The following BCL7B variants were observed in gnomAD, a reference collection of about 807,000 sequenced individuals.
BCL7B encodes BAF chromatin remodeling complex subunit BCL7B.
Under a neutral mutation model 26.5 loss-of-function variants are expected in BCL7B, and 11 were observed. The ratio of observed to expected loss-of-function variants is 0.42; its 90% CI spans 0.26 to 0.69. The LOEUF is 0.69. Among genes scored for constraint, BCL7B ranks in the 30% least tolerant of loss-of-function variants. The pLI, the probability that BCL7B is intolerant of heterozygous loss-of-function variation, is 0.28. For missense variants in BCL7B, 215 were observed against 264.4 expected (o/e 0.81, Z 1.30); for synonymous variants, 111 against 107.9 (o/e 1.03, Z -0.18).
chr7:73,537,060 C>A lies in BCL7B; in HGVS notation c.*238G>T, dbSNP rs1791558768. On this transcript the variant is annotated 3_prime_UTR_variant, in exon 6 of 6. Transcript: ENST00000223368. ...ATCTTGGGGTGGCCGATGCTCCAGC[C>A]AACTTGGGGTGCAAAAAAGACATGA... 4.6e-6 allele frequency: 2 copies of A among 433,686 alleles called. No individual in the cohort carries two copies. Among genetic ancestry groups the A allele is most frequent in the East Asian group, 7.2e-5 (2 of 27,914 alleles). 26.9% of individuals were successfully genotyped at this position (433,686 alleles called of 1,614,324 possible).
chr7:73,557,644 G>GCGA lies in BCL7B; in HGVS notation c.-67_-66insTCG. ...AGACACCGGGGATCGCGCGCCTCAC[G>GCGA]CGCCGCCGCCCGCCCGCCGCCGCCG... On this transcript the variant is annotated 5_prime_UTR_variant, in exon 1 of 6. Transcript: ENST00000223368. 1 of 1,005,012 alleles carries GCGA rather than the reference G, an allele frequency of 1.0e-6. No homozygotes were observed. The highest frequency in any genetic ancestry group is 1.2e-6 in the Non-Finnish European group (1 of 806,310). The allele number at this position is 1,005,012 out of a possible 1,614,324, so 62.3% of individuals were successfully genotyped here.
chr7:73,540,128 G>A (rs1350440217), intron 3 of BCL7B, 76 bp from the exon 4 acceptor site: 2 of 1,499,382 alleles, frequency 1.3e-6, no homozygotes, highest in Non-Finnish European at 1.8e-6. Context: ...CAGAGCCAAG[G>A]GCCTGGCATC....
intron 2 of BCL7B, among the ~76,000 whole-genome samples, chr7:73,550,646 T>G (rs1554584012): frequency 2.7e-3 from 4 of 1,468 alleles, no homozygotes; most frequent in East Asian, 0.12. Context: ...TTTTTTTTGT[T>G]TTTTTTTTGT....
intron 2 of BCL7B, among the ~76,000 whole-genome samples, chr7:73,544,163 G>A (rs1279688042): frequency 6.6e-6 from 1 of 152,132 alleles, no homozygotes; most frequent in African/African-American, 2.4e-5. Context: ...GTTCACGCCT[G>A]TAATCCCAGC....
At chr7:73,552,092 CAAAA>C (rs781881434) in intron 2 of BCL7B, 71 bp downstream of exon 2, 461 of 1,020,746 alleles carry the variant, frequency 4.5e-4, no homozygotes, top group East Asian at 9.1e-4. Flanking sequence ...GACTCCGTCC[CAAAA>C]AAAAAAAAAA....
chr7:73,537,800 A>G lies in BCL7B; in HGVS notation c.516+134T>C, dbSNP rs1022755042. The G allele has an allele frequency of 1.2e-5, 7 of 592,838 alleles. No individual in the cohort carries two copies. In the African/African-American group the frequency reaches 1.3e-4, roughly 11 times the overall value. The allele number at this position is 592,838 out of a possible 1,614,324, so 36.7% of individuals were successfully genotyped here. A position where few individuals can be genotyped will look rare whatever the true frequency, so the allele number is the denominator to read the frequency against. On this transcript the variant is annotated intron_variant, in intron 5 of 5. Transcript: ENST00000223368. The stretch of plus-strand genomic sequence containing the variant: ...CTACTCAGGAGGCTGAAACAGGAGA[A>G]TTGCTTGAACCCAGGAGGCAGTGGA...
At chr7:73,544,266 C>T (rs1275119352) in intron 2 of BCL7B, among the ~76,000 whole-genome samples, 1 of 151,934 alleles carries the variant, frequency 6.6e-6, no homozygotes, top group Non-Finnish European at 1.5e-5. Context: ...ACTAAAAATA[C>T]AAAAATCAGC....
chr7:73,557,640 T>A lies in BCL7B; in HGVS notation c.-62A>T. 9.8e-7 allele frequency: 1 copy of A among 1,015,482 alleles called. No individual in the cohort carries two copies. The highest frequency in any genetic ancestry group is 1.2e-6 in the Non-Finnish European group (1 of 814,820). 62.9% of individuals were successfully genotyped at this position (1,015,482 alleles called of 1,614,324 possible). ...CCCAAGACACCGGGGATCGCGCGCCTCACGCGCCGCCGCCCGCCCGCCGCC... is the reference window on the plus strand; with the variant it reads ...CCCAAGACACCGGGGATCGCGCGCCACACGCGCCGCCGCCCGCCCGCCGCC... On this transcript the variant is annotated 5_prime_UTR_variant, in exon 1 of 6. Coordinates refer to ENST00000223368, the MANE Select transcript of BCL7B (RefSeq NM_001707.4).
In BCL7B at chr7:73,557,544, C is replaced by A; in HGVS notation, c.35G>T (p.Ser12Ile). 1 of 1,434,044 alleles carries A rather than the reference C, an allele frequency of 7.0e-7. No homozygotes were observed. The highest frequency in any genetic ancestry group is 1.4e-5 in the South Asian group (1 of 69,802). 88.8% of individuals were successfully genotyped at this position (1,434,044 alleles called of 1,614,324 possible). Reference sequence around the variant, plus strand: ...CTTCTTGATGTCGTCCTTGGCCCGGCTGCGGGTCTCCGCCCGGACCGACCG... The same window carrying A: ...CTTCTTGATGTCGTCCTTGGCCCGGATGCGGGTCTCCGCCCGGACCGACCG... Reference protein sequence around the residue: ...SGRSVRAETRSRAKDDIKKVM... With the variant: ...SGRSVRAETRIRAKDDIKKVM... Residue 12 changes from serine to isoleucine, a missense_variant, in exon 1 of 6, where the codon AGC becomes ATC. Transcript: ENST00000223368.
intron 1 of BCL7B, among the ~76,000 whole-genome samples, chr7:73,554,580 T>C (rs1473111411): frequency 6.6e-6 from 1 of 151,970 alleles, no homozygotes; most frequent in Non-Finnish European, 1.5e-5. Flanking sequence ...GGTGGATCAC[T>C]TGAGCCCAGG....
In BCL7B at chr7:73,537,914, A is replaced by G. The variant is rs1791602734; in HGVS notation, c.516+20T>C. The G allele has an allele frequency of 6.4e-7, 1 of 1,555,602 alleles. No individual in the cohort carries two copies. The highest frequency in any genetic ancestry group is 1.4e-5 in the African/African-American group (1 of 71,724). Reference sequence around the variant, plus strand: ...AAACCAAAAAAACAAAAAACTGGAAAACTCAAAGTGATTGCTTACCTGTGT... The same window carrying G: ...AAACCAAAAAAACAAAAAACTGGAAGACTCAAAGTGATTGCTTACCTGTGT... On this transcript the variant is annotated intron_variant, in intron 5 of 5. Coordinates refer to ENST00000223368, the MANE Select transcript of BCL7B (RefSeq NM_001707.4).
chr7:73,557,297 G>A, intron 1 of BCL7B, 190 bp downstream of exon 1: 1 of 1,156,366 alleles, frequency 8.6e-7, no homozygotes, highest in Non-Finnish European at 1.1e-6. Context: ...GAGCCGGGAG[G>A]ACCGCTGATT....
chr7:73,557,160 G>C (rs1792391634), intron 1 of BCL7B: 1 of 1,014,358 alleles, frequency 9.9e-7, no homozygotes, highest in Non-Finnish European at 1.2e-6. Context: ...CCCAGGAAGA[G>C]GGGAGGGCGG....
chr7:73,539,019 G>A (rs917516802), intron 4 of BCL7B, among the ~76,000 whole-genome samples: 15 of 152,188 alleles, frequency 9.9e-5, no homozygotes, highest in African/African-American at 3.4e-4. Flanking sequence ...GAGTGCCCTG[G>A]TGCGATCTTG....
intron 1 of BCL7B, 121 bp downstream of exon 1, chr7:73,557,366 C>T: frequency 1.7e-6 from 2 of 1,186,374 alleles, no homozygotes; most frequent in South Asian, 4.2e-5. Flanking sequence ...CTCCTCCCGC[C>T]TTCTCCCGCA....
chr7:73,537,866 G>T, intron 5 of BCL7B, 68 bp downstream of exon 5: 3 of 1,193,998 alleles, frequency 2.5e-6, no homozygotes, highest in South Asian at 1.5e-5. Flanking sequence ...ACTCTAGTCT[G>T]GGCAACAGCG....
chr7:73,557,604 G>T lies in BCL7B; in HGVS notation c.-26C>A. 8.0e-7 allele frequency: 1 copy of T among 1,248,002 alleles called. No individual in the cohort carries two copies. Among genetic ancestry groups the T allele is most frequent in the Non-Finnish European group, 1.0e-6 (1 of 979,816 alleles). 77.3% of individuals were successfully genotyped at this position (1,248,002 alleles called of 1,614,324 possible). A position where few individuals can be genotyped will look rare whatever the true frequency, so the allele number is the denominator to read the frequency against. Reference sequence around the variant, plus strand: ...GGCGGCGGCGGGAGCGGCGGGGGCCGGGGCACTGCTCCCAAGACACCGGGG... The same window carrying T: ...GGCGGCGGCGGGAGCGGCGGGGGCCTGGGCACTGCTCCCAAGACACCGGGG... On this transcript the variant is annotated 5_prime_UTR_variant, in exon 1 of 6. Transcript: ENST00000223368.
intron 3 of BCL7B, among the ~76,000 whole-genome samples, chr7:73,541,560 T>A (rs1791772785): frequency 6.6e-6 from 1 of 151,418 alleles, no homozygotes; most frequent in African/African-American, 2.4e-5. Context: ...CTCTGCCTCC[T>A]GGGTTCAACT....
intron 3 of BCL7B, among the ~76,000 whole-genome samples, chr7:73,541,465 CTTTTTTT>C (rs781916545): frequency 2.2e-5 from 3 of 136,544 alleles, no homozygotes; most frequent in South Asian, 4.6e-4. Flanking sequence ...ATACCCAGTA[CTTTTTTT>C]TTTTTTTTTT....
Sources: allele counts gnomAD v4.1 joint callset (sites outside exome capture counted in the v4.1 genomes callset), GRCh38; gene constraint gnomAD v4.1.1; transcripts MANE v1.5; gene names NCBI Gene and HGNC (gene_info 2026-07-23, HGNC 2026-07-21).